HDAC4: variants seen among roughly 807,000 people sequenced by gnomAD.
The protein encoded by HDAC4 is histone deacetylase A.
A neutral mutation model predicts 135.1 loss-of-function variants in HDAC4; 16 were observed. That is an observed-to-expected ratio of 0.12 (90% CI 0.08 to 0.18). The LOEUF (loss-of-function observed/expected upper bound fraction) is 0.18. Ranked by LOEUF, HDAC4 falls within the 10% of genes least tolerant of loss-of-function variation. The pLI is 1.00. For synonymous variants in HDAC4, 685 were observed against 653.4 expected, an observed-to-expected ratio of 1.05 and a Z score of -0.74; for missense variants, 1,143 against 1,511.8, an observed-to-expected ratio of 0.76 and a Z score of 4.05.
intron 2 of HDAC4, among the ~76,000 whole-genome samples, chr2:239,342,603 CTG>C (rs1252230545): frequency 2.0e-5 from 3 of 152,194 alleles, no homozygotes; most frequent in Admixed American, 1.3e-4. Context: ...ATCCTGAACA[CTG>C]TGTTTCAAGG....
intron 12 of HDAC4, among the ~76,000 whole-genome samples, chr2:239,124,198 G>T (rs2039931990): frequency 6.6e-6 from 1 of 152,126 alleles, no homozygotes; most frequent in South Asian, 2.1e-4. Context: ...GATATCATTT[G>T]TTGTTTTTAG....
intron 19 of HDAC4, among the ~76,000 whole-genome samples, 200 bp downstream of exon 19, chr2:239,087,359 T>A (rs961652370): frequency 2.0e-5 from 3 of 152,224 alleles, no homozygotes; most frequent in African/African-American, 7.2e-5. Context: ...GTCTCCGTCA[T>A]AACCGAGCAG....
intron 2 of HDAC4, among the ~76,000 whole-genome samples, chr2:239,346,763 A>T (rs1234560970): frequency 7.1e-6 from 1 of 139,914 alleles, no homozygotes; most frequent in East Asian, 2.2e-4. Flanking sequence ...CACCCTGTCT[A>T]AACACACACC....
chr2:239,124,624 C>G (rs1424118508), intron 12 of HDAC4, among the ~76,000 whole-genome samples: 2 of 135,374 alleles, frequency 1.5e-5, no homozygotes, highest in Non-Finnish European at 3.1e-5. Flanking sequence ...TCCGGCGTGC[C>G]GGCATGTGGC....
intron 16 of HDAC4, among the ~76,000 whole-genome samples, chr2:239,096,037 C>A (rs1037041344): frequency 6.6e-6 from 1 of 152,146 alleles, no homozygotes; most frequent in Non-Finnish European, 1.5e-5. Flanking sequence ...GGGCTCCTCT[C>A]CCATTCTCAG....
At chr2:239,121,657 A>T (rs907415701) in intron 12 of HDAC4, among the ~76,000 whole-genome samples, 2 of 152,144 alleles carry the variant, frequency 1.3e-5, no homozygotes, top group African/African-American at 4.8e-5. Flanking sequence ...GGCCTGGAGG[A>T]GGGATCATCT....
At chr2:239,214,656 C>T (rs1220599040) in intron 3 of HDAC4, among the ~76,000 whole-genome samples, 1 of 152,248 alleles carries the variant, frequency 6.6e-6, no homozygotes, top group Non-Finnish European at 1.5e-5. Context: ...TGAGCAGCCG[C>T]CAGGCTCAGC....
chr2:239,191,024 T>G, intron 3 of HDAC4: 1 of 463,052 alleles, frequency 2.2e-6, no homozygotes, highest in Non-Finnish European at 4.4e-6. Flanking sequence ...CATCCCAGCG[T>G]CACTTCTCAG....
rs182164849 is a variant in HDAC4, at chr2:239,327,648, C to T, written c.22+25030G>A. Among the ~76,000 whole-genome samples the T allele has an allele frequency of 1.7e-3, 257 of 152,322 alleles. 1 individual carries two copies. The highest frequency in any genetic ancestry group is 5.8e-3 in the African/African-American group (242 of 41,576). On this transcript the variant is annotated intron_variant, in intron 2 of 26. Transcript: ENST00000543185. ...CCAGCCAGCCAGCCCAGACTTGGCC[C>T]GGGACTGCCCTTCTGCCTACAGGGC... is the stretch of plus-strand genomic sequence containing the variant.
chr2:239,277,763 G>A (rs904298103), intron 2 of HDAC4, among the ~76,000 whole-genome samples: 4 of 152,204 alleles, frequency 2.6e-5, no homozygotes, highest in African/African-American at 9.6e-5. Flanking sequence ...AACTCACACA[G>A]AAAACACCTG....
intron 17 of HDAC4, among the ~76,000 whole-genome samples, chr2:239,090,968 G>C (rs1394843952): frequency 6.6e-6 from 1 of 152,244 alleles, no homozygotes; most frequent in South Asian, 2.1e-4. Flanking sequence ...GTAGCTAAGC[G>C]GGACTGGCCG....
intron 2 of HDAC4, among the ~76,000 whole-genome samples, chr2:239,252,102 A>ATTT (rs1263300258): frequency 6.6e-6 from 1 of 152,098 alleles, no homozygotes; most frequent in Non-Finnish European, 1.5e-5. Flanking sequence ...CAGGATGTGG[A>ATTT]TTTCTGCCCC....
intron 3 of HDAC4, among the ~76,000 whole-genome samples, chr2:239,215,645 T>C (rs2046590819): frequency 6.6e-6 from 1 of 152,088 alleles, no homozygotes; most frequent in Non-Finnish European, 1.5e-5. Flanking sequence ...CCGCAGGAAA[T>C]GCCACACCTC....
At chr2:239,323,027 C>T (rs1299588334) in intron 2 of HDAC4, among the ~76,000 whole-genome samples, 3 of 152,206 alleles carry the variant, frequency 2.0e-5, no homozygotes, top group Non-Finnish European at 2.9e-5. Flanking sequence ...CCCTTGTCCC[C>T]ACAGTTCTGT....
chr2:239,383,535 C>A (rs1049173392), intron 1 of HDAC4, among the ~76,000 whole-genome samples: 2 of 152,012 alleles, frequency 1.3e-5, no homozygotes, highest in African/African-American at 4.8e-5. Flanking sequence ...CACAGAGAAA[C>A]CCACGGCAAG....
chr2:239,062,899 C>T (rs1277585724), intron 24 of HDAC4, among the ~76,000 whole-genome samples: 1 of 152,204 alleles, frequency 6.6e-6, no homozygotes, highest in African/African-American at 2.4e-5. Context: ...GCAGCCACTG[C>T]CCATGTCCCC....
chr2:239,115,008 G>A lies in HDAC4; in HGVS notation c.1791+45C>T. On this transcript the variant is annotated intron_variant, in intron 13 of 26. Coordinates refer to ENST00000543185, the MANE Select transcript of HDAC4 (RefSeq NM_001378414.1). The surrounding 1 kb of genome is among the most constrained non-coding windows in gnomAD (Gnocchi z 6.3). ...AAGATGCCACCTGGGGACCGAGGGTGGCTGTGCGTGCCAGCCTTCTGGTGC... is the reference window on the plus strand; with the variant it reads ...AAGATGCCACCTGGGGACCGAGGGTAGCTGTGCGTGCCAGCCTTCTGGTGC... 6.2e-7 allele frequency: 1 copy of A among 1,601,728 alleles called. No individual in the cohort carries two copies. The highest frequency in any genetic ancestry group is 8.5e-7 in the Non-Finnish European group (1 of 1,178,116).
chr2:239,253,690 C>T (rs1444258025), intron 2 of HDAC4, among the ~76,000 whole-genome samples: 2 of 152,182 alleles, frequency 1.3e-5, no homozygotes, highest in Non-Finnish European at 2.9e-5. Context: ...AATAAAATCT[C>T]GCCCTAATAT....
chr2:239,252,962 C>T (rs2048864612), intron 2 of HDAC4, among the ~76,000 whole-genome samples: 3 of 152,372 alleles, frequency 2.0e-5, no homozygotes, highest in African/African-American at 7.2e-5. Context: ...AACGGAGAGC[C>T]CGCTGGCCAC....
Sources: allele counts gnomAD v4.1 joint callset (sites outside exome capture counted in the v4.1 genomes callset), GRCh38; gene constraint gnomAD v4.1.1; non-coding constraint Gnocchi (gnomAD v3.1); transcripts MANE v1.5; gene names NCBI Gene and HGNC (gene_info 2026-07-23, HGNC 2026-07-21).